Variants in MB21D2 observed in about 807,000 individuals in gnomAD.
MB21D2 encodes nucleotidyltransferase MB21D2.
Under a neutral mutation model 33.3 loss-of-function variants are expected in MB21D2, and 9 were observed. That is an observed-to-expected ratio of 0.27 (90% confidence interval 0.16 to 0.47). The LOEUF (loss-of-function observed/expected upper bound fraction) is 0.47. Ranked by LOEUF, MB21D2 falls within the 20% of genes least tolerant of loss-of-function variation. MB21D2 has a pLI of 0.99. For synonymous variants in MB21D2, 241 were observed against 236.3 expected, an observed-to-expected ratio of 1.02 and a Z score of -0.18; for missense variants, 540 against 624.6, an observed-to-expected ratio of 0.86 and a Z score of 1.44.
At chr3:192,887,833 T>C (rs1160852021) in intron 1 of MB21D2, among the ~76,000 whole-genome samples, 2 of 152,128 alleles carry the variant, frequency 1.3e-5, no homozygotes, top group Non-Finnish European at 2.9e-5. Flanking sequence ...CAAACTTGAA[T>C]GTGCATCTGA....
intron 1 of MB21D2, among the ~76,000 whole-genome samples, chr3:192,804,444 C>T (rs1411410177): frequency 6.6e-6 from 1 of 151,892 alleles, no homozygotes. Context: ...CACACACACA[C>T]ACACACACAC....
At chr3:192,804,428 C>CAT (rs573294432) in intron 1 of MB21D2, among the ~76,000 whole-genome samples, 4 of 5,764 alleles carry the variant, frequency 6.9e-4, no homozygotes, top group Non-Finnish European at 3.3e-3. Context: ...AAAACAGATA[C>CAT]ACACACACAC....
At position 192,799,708 on chromosome 3, in the gene MB21D2, T is replaced by C. The variant is rs1024917377; in HGVS notation, c.212-58A>G. The C allele has an allele frequency of 6.6e-7, 1 of 1,518,132 alleles. No individual in the cohort carries two copies. 94.0% of individuals were successfully genotyped at this position (1,518,132 alleles called of 1,614,324 possible). A position where few individuals can be genotyped will look rare whatever the true frequency, so the allele number is the denominator to read the frequency against. ...ACAGGAAACACAGACATAAGAGTCT[T>C]ATGCATGAAACAGAATGCTCTGATG... On this transcript the variant is annotated intron_variant, in intron 1 of 1. Coordinates refer to ENST00000392452, the MANE Select transcript of MB21D2 (RefSeq NM_178496.4). The surrounding 1 kb of genome is among the most constrained non-coding windows in gnomAD (Gnocchi z 4.1).
At chr3:192,889,495 A>T (rs1162808044) in intron 1 of MB21D2, among the ~76,000 whole-genome samples, 1 of 152,052 alleles carries the variant, frequency 6.6e-6, no homozygotes, top group East Asian at 1.9e-4. Context: ...ATTCTTTTTA[A>T]AAAGTCTTAT....
At chr3:192,860,732 C>T in intron 1 of MB21D2, among the ~76,000 whole-genome samples, 1 of 152,188 alleles carries the variant, frequency 6.6e-6, no homozygotes, top group Non-Finnish European at 1.5e-5. Flanking sequence ...GGGGCAACTT[C>T]CCCTCCTTAT....
At position 192,798,611 on chromosome 3, in the gene MB21D2, A is replaced by G. The variant is rs749486940; in HGVS notation, c.1251T>C (p.His417=). Residue 417 remains histidine (H), a synonymous_variant, in exon 2 of 2, where the codon CAT becomes CAC. Coordinates refer to ENST00000392452, the MANE Select transcript of MB21D2 (RefSeq NM_178496.4). The surrounding 1 kb of genome is among the most constrained non-coding windows in gnomAD (Gnocchi z 4.8). ...PAEHLRTAIE[H]VKAANRLTLE... ...GTGTCAGCCGGTTGGCTGCCTTGAC[A>G]TGCTCAATGGCGGTGCGCAAGTGCT... The G allele has an allele frequency of 1.5e-5, 24 of 1,613,936 alleles. No homozygotes were observed. The highest frequency in any genetic ancestry group is 1.7e-5 in the Admixed American group (1 of 60,008).
intron 1 of MB21D2, among the ~76,000 whole-genome samples, chr3:192,837,465 G>C (rs1712465844): frequency 6.6e-6 from 1 of 152,158 alleles, no homozygotes. Flanking sequence ...CTCAAGGGGA[G>C]AACGAGCTGC....
intron 1 of MB21D2, among the ~76,000 whole-genome samples, chr3:192,802,882 T>G (rs1019120981): frequency 5.3e-5 from 8 of 152,190 alleles, no homozygotes; most frequent in Non-Finnish European, 8.8e-5. Context: ...GTAAATAAGA[T>G]CTGAATCTAT....
chr3:192,907,752 C>T (rs575649339), intron 1 of MB21D2, among the ~76,000 whole-genome samples: 2 of 152,168 alleles, frequency 1.3e-5, no homozygotes, highest in East Asian at 1.9e-4. Flanking sequence ...AGAATTCCTA[C>T]GACTTGCGTT....
chr3:192,845,053 T>C (rs1172367549), intron 1 of MB21D2, among the ~76,000 whole-genome samples: 3 of 152,208 alleles, frequency 2.0e-5, no homozygotes, highest in Non-Finnish European at 4.4e-5. Context: ...TCACTATAGA[T>C]TTGGCTGCTA....
At chr3:192,902,672 CCTCT>C (rs1281292077) in intron 1 of MB21D2, among the ~76,000 whole-genome samples, 5 of 152,144 alleles carry the variant, frequency 3.3e-5, no homozygotes, top group Non-Finnish European at 7.3e-5. Context: ...TAGCTTAACT[CCTCT>C]CTAATTCTTT....
intron 1 of MB21D2, among the ~76,000 whole-genome samples, chr3:192,899,821 G>GTGTGTGGTAGTGCGGCTGACTGAGCTCA (rs1553862333): frequency 6.6e-6 from 1 of 150,564 alleles, no homozygotes; most frequent in East Asian, 2.0e-4. Flanking sequence ...TGGGCACCTC[G>GTGTGTGGTAGTGCGGCTGACTGAGCTCA]TGTGTGGTAG....
At chr3:192,899,266 T>C (rs2367134) in intron 1 of MB21D2, among the ~76,000 whole-genome samples, 78,187 of 151,948 alleles carry the variant, frequency 0.51, 20,253 homozygotes, top group South Asian at 0.53. Context: ...CGGTGGCTCA[T>C]GCCTATAATC....
At chr3:192,821,868 C>G (rs1050538459) in intron 1 of MB21D2, among the ~76,000 whole-genome samples, 6 of 152,010 alleles carry the variant, frequency 3.9e-5, no homozygotes, top group Non-Finnish European at 5.9e-5. Flanking sequence ...CCCAGGAAAC[C>G]CTTTGTCAAT....
intron 1 of MB21D2, among the ~76,000 whole-genome samples, chr3:192,906,065 T>C (rs1392201531): frequency 2.0e-5 from 3 of 152,172 alleles, no homozygotes; most frequent in Non-Finnish European, 1.5e-5. Flanking sequence ...TGAAAGCATT[T>C]TGTAAATTGT....
chr3:192,842,799 T>C (rs1028275226), intron 1 of MB21D2, among the ~76,000 whole-genome samples: 2 of 152,182 alleles, frequency 1.3e-5, no homozygotes, highest in African/African-American at 4.8e-5. Flanking sequence ...CTTTGGGAAG[T>C]GGACACGGTC....
intron 1 of MB21D2, among the ~76,000 whole-genome samples, chr3:192,876,802 T>C (rs1208073020): frequency 1.3e-5 from 2 of 152,208 alleles, no homozygotes; most frequent in Non-Finnish European, 2.9e-5. Context: ...CCTTTTGGTC[T>C]GGCTACCTCC....
At chr3:192,854,320 G>A (rs971945389) in intron 1 of MB21D2, among the ~76,000 whole-genome samples, 4 of 152,202 alleles carry the variant, frequency 2.6e-5, no homozygotes, top group African/African-American at 9.7e-5. Context: ...AAGATTTGGT[G>A]GTCTAGATAG....
At chr3:192,803,115 GGA>G (rs1370483664) in intron 1 of MB21D2, among the ~76,000 whole-genome samples, 1 of 152,252 alleles carries the variant, frequency 6.6e-6, no homozygotes, top group Admixed American at 6.5e-5. Context: ...AATCTTGTTT[GGA>G]GAGTCTTGGG....
Sources: gnomAD v4.1 joint callset for allele counts (sites outside exome capture counted in the v4.1 genomes callset) on GRCh38, gnomAD v4.1.1 for gene constraint, Gnocchi (gnomAD v3.1) non-coding constraint, MANE v1.5 for transcripts, NCBI Gene and HGNC (gene_info 2026-07-23, HGNC 2026-07-21) for gene names.